HERC2: variants seen among roughly 807,000 people sequenced by gnomAD.
The protein encoded by HERC2 is E3 ubiquitin-protein ligase HERC2.
In HERC2, 102 loss-of-function variants were observed where a neutral mutation model predicts 537.7. The observed-to-expected ratio is 0.19, with a 90% CI of 0.16 to 0.22. The LOEUF (loss-of-function observed/expected upper bound fraction) is 0.22. HERC2 is among the 10% of genes least tolerant of loss of function. The pLI is 1.00. For missense variants in HERC2, 4,236 were observed against 6,198.2 expected (o/e 0.68, Z 10.63); for synonymous variants, 2,224 against 2,466.2 (o/e 0.90, Z 2.91).
At chr15:28,179,905 A>C (rs1566977351) in intron 57 of HERC2, among the ~76,000 whole-genome samples, 1 of 152,258 alleles carries the variant, frequency 6.6e-6, no homozygotes, top group East Asian at 1.9e-4. Context: ...GTATTATTAC[A>C]AGAGTCAAAA....
intron 69 of HERC2, among the ~76,000 whole-genome samples, chr15:28,157,275 G>A (rs1022172271): frequency 1.3e-5 from 2 of 152,176 alleles, no homozygotes; most frequent in African/African-American, 4.8e-5. Context: ...AGTTAGGGAG[G>A]ATTCCCTCTT....
intron 3 of HERC2, among the ~76,000 whole-genome samples, chr15:28,297,663 G>A (rs1439934359): frequency 6.6e-6 from 1 of 152,174 alleles, no homozygotes; most frequent in Non-Finnish European, 1.5e-5. Flanking sequence ...GGCGCAATTT[G>A]TCAAATGCTG....
At chr15:28,309,920 C>T (rs1325749170) in intron 2 of HERC2, among the ~76,000 whole-genome samples, 1 of 152,230 alleles carries the variant, frequency 6.6e-6, no homozygotes, top group Non-Finnish European at 1.5e-5. Context: ...ACATCACTAA[C>T]AGGATAACTG....
At chr15:28,262,886 G>A (rs1156690400) in intron 15 of HERC2, 32 bp downstream of exon 15, 4 of 1,600,906 alleles carry the variant, frequency 2.5e-6, no homozygotes, top group Non-Finnish European at 3.4e-6. Context: ...AAACTGTCCT[G>A]AAGGGTTTTA....
chr15:28,285,639 GA>G (rs1043828571), intron 4 of HERC2, among the ~76,000 whole-genome samples: 113 of 143,790 alleles, frequency 7.9e-4, no homozygotes, highest in Admixed American at 1.6e-3. Context: ...CAACCTAAAA[GA>G]AAAAAAAAAT....
chr15:28,154,313 T>C (rs1892765564), intron 69 of HERC2, among the ~76,000 whole-genome samples: 1 of 152,264 alleles, frequency 6.6e-6, no homozygotes, highest in South Asian at 2.1e-4. Flanking sequence ...CTAATATCAT[T>C]GTCACATAGG....
At position 28,246,673 on chromosome 15, in the gene HERC2, AAAG is replaced by A. The variant is rs1346860269; in HGVS notation, c.3391+66_3391+68del. The A allele has an allele frequency of 1.1e-5, 15 of 1,350,800 alleles. No individual in the cohort carries two copies. The East Asian group carries it at 2.3e-4, about 21-fold the overall frequency. 83.7% of individuals were successfully genotyped at this position (1,350,800 alleles called of 1,614,324 possible). On this transcript the variant is annotated intron_variant, in intron 22 of 92. Coordinates refer to ENST00000261609, the MANE Select transcript of HERC2 (RefSeq NM_004667.6). ...AGTAAATGCAGGCATGCTGATCAGC[AAAG>A]AAGACACTTTAGCTTTCATCTATCT... is the stretch of plus-strand genomic sequence containing the variant.
At chr15:28,197,045 C>G (rs2140306668) in intron 50 of HERC2, among the ~76,000 whole-genome samples, 1 of 152,302 alleles carries the variant, frequency 6.6e-6, no homozygotes, top group South Asian at 2.1e-4. Flanking sequence ...TAAAATTTGT[C>G]TTGTTTTGAT....
chr15:28,208,849 T>C (rs534962178), intron 44 of HERC2, among the ~76,000 whole-genome samples: 40 of 152,256 alleles, frequency 2.6e-4, no homozygotes, highest in Admixed American at 8.5e-4. Flanking sequence ...CCTCACCGCC[T>C]CCTGACCCCA....
rs1218459478 is a variant in HERC2, at chr15:28,233,730, G to T, written c.4285C>A (p.Pro1429Thr). ...CHLTTPIMFP[P>T]EHPVEEVGRL... Reference sequence around the variant, plus strand: ...CCGACCTCTTCCACGGGATGCTCGGGGGGAAACATGATCGGTGTGGTCAAA... The same window carrying T: ...CCGACCTCTTCCACGGGATGCTCGGTGGGAAACATGATCGGTGTGGTCAAA... The change falls in exon 28 of 93, where the codon CCC (proline) becomes ACC (threonine). Residue 1429 changes from proline to threonine, a missense_variant. Physicochemically the swap from Pro to Thr is conservative, Grantham distance 38. Coordinates refer to ENST00000261609, the MANE Select transcript of HERC2 (RefSeq NM_004667.6). The T allele has an allele frequency of 6.2e-7, 1 of 1,613,238 alleles. No individual in the cohort carries two copies. Among genetic ancestry groups the T allele is most frequent in the Non-Finnish European group, 8.5e-7 (1 of 1,179,406 alleles).
chr15:28,189,504 T>A (rs1465825941), intron 55 of HERC2, among the ~76,000 whole-genome samples: 1 of 152,252 alleles, frequency 6.6e-6, no homozygotes, highest in African/African-American at 2.4e-5. Context: ...AAATTCAATA[T>A]TATCTTTCAT....
intron 83 of HERC2, among the ~76,000 whole-genome samples, chr15:28,128,528 A>C (rs1277529959): frequency 6.6e-6 from 1 of 152,264 alleles, no homozygotes; most frequent in Non-Finnish European, 1.5e-5. Context: ...TACAGGCCAC[A>C]GAAGTTGCTC....
At chr15:28,201,337 A>G in intron 48 of HERC2, 119 bp downstream of exon 48, 1 of 690,570 alleles carries the variant, frequency 1.4e-6, no homozygotes, top group Non-Finnish European at 2.6e-6. Context: ...TTCCAGCACC[A>G]GAAGGCAGGC....
At chr15:28,291,567 T>G (rs1477032525) in intron 4 of HERC2, among the ~76,000 whole-genome samples, 3 of 152,054 alleles carry the variant, frequency 2.0e-5, no homozygotes. Flanking sequence ...ATAAGAAATA[T>G]TCTATGTATA....
In HERC2 at chr15:28,198,452, C is replaced by T. The variant is rs138960481; in HGVS notation, c.7937G>A (p.Arg2646Gln). 11 of 1,613,718 alleles carry T rather than the reference C, an allele frequency of 6.8e-6. No homozygotes were observed. Among genetic ancestry groups the T allele is most frequent in the East Asian group, 4.5e-5 (2 of 44,882 alleles). Residue 2646 changes from arginine (R) to glutamine (Q), a missense_variant, in exon 50 of 93, where the codon CGG becomes CAG. By Grantham distance (43) the Arg-to-Gln change is conservative (BLOSUM62 1). Coordinates refer to ENST00000261609, the MANE Select transcript of HERC2 (RefSeq NM_004667.6). ...SSHIKIGDKV[R>Q]VKASVTTPKY... ...TGGTGTGGTGACAGAGGCTTTGACCCGCACTTTATCACCAATCTTGATGTG... is the reference window on the plus strand; with the variant it reads ...TGGTGTGGTGACAGAGGCTTTGACCTGCACTTTATCACCAATCTTGATGTG...
At position 28,198,642 on chromosome 15, in the gene HERC2, CCT is replaced by C; in HGVS notation, c.7842_7843del (p.Gly2616HisfsTer5). 1 of 1,614,082 alleles carries C rather than the reference CCT, an allele frequency of 6.2e-7. No individual in the cohort carries two copies. On this transcript the variant is annotated frameshift_variant, in exon 49 of 93. Coordinates refer to ENST00000261609, the MANE Select transcript of HERC2 (RefSeq NM_004667.6). LOFTEE classifies it high-confidence loss of function. ...AATGTACCTAACCCAGTAGGTGCCC[CCT>C]TTCTGCTGCCAGTCACACTGCACAT...
chr15:28,280,252 C>T lies in HERC2; in HGVS notation c.358G>A (p.Val120Ile). The T allele has an allele frequency of 6.2e-7, 1 of 1,613,964 alleles. No homozygotes were observed. Among genetic ancestry groups the T allele is most frequent in the African/African-American group, 1.3e-5 (1 of 75,030 alleles). The change falls in exon 5 of 93, where the codon GTT becomes ATT. Residue 120 changes from valine (V) to isoleucine (I), a missense_variant. This residue lies in a region of HERC2 where 491 missense variants were observed against 559.3 expected (regional missense o/e 0.88). Transcript: ENST00000261609. ...ACGGCCAGGGCCTGCTGCTCTTTAA[C>T]CAGCACAGAAAGACACTCCTTCAGT... is the stretch of plus-strand genomic sequence containing the variant. ...NELKECLSVL[V>I]KEQQALAVQS...
intron 76 of HERC2, 43 bp downstream of exon 76, chr15:28,142,195 T>C (rs752853913): frequency 6.9e-6 from 11 of 1,588,086 alleles, no homozygotes; most frequent in Middle Eastern, 1.7e-4. Context: ...AGCTAAATAA[T>C]GTTTTTGCAT....
At chr15:28,227,674 A>G (rs1193697450) in intron 35 of HERC2, among the ~76,000 whole-genome samples, 4 of 152,194 alleles carry the variant, frequency 2.6e-5, no homozygotes, top group Non-Finnish European at 5.9e-5. Flanking sequence ...AGAAACAAGC[A>G]TTCAAACAAG....
Sources: allele counts gnomAD v4.1 joint callset (sites outside exome capture counted in the v4.1 genomes callset), GRCh38; gene constraint gnomAD v4.1.1; regional missense constraint gnomAD v4.1.1; transcripts MANE v1.5; gene names NCBI Gene and HGNC (gene_info 2026-07-23, HGNC 2026-07-21).